CENPS: variants seen among roughly 807,000 people sequenced by gnomAD.
CENPS encodes the protein FANCM associated histone fold protein 1.
In CENPS, 16 loss-of-function variants were observed where a neutral mutation model predicts 17.9. The observed-to-expected ratio is 0.90, with a 90% confidence interval of 0.61 to 1.36. The LOEUF is 1.36. Among genes scored for constraint, CENPS ranks in the 40% most tolerant of loss-of-function variants. CENPS has a pLI of 0.00. For synonymous variants in CENPS, 49 were observed against 55.8 expected, an observed-to-expected ratio of 0.88 and a Z score of 0.54; for missense variants, 160 against 158.6, an observed-to-expected ratio of 1.01 and a Z score of -0.05.
rs376178027 is a variant in CENPS, at chr1:10,440,419, A to G, written c.276+6A>G. The G allele has an allele frequency of 9.3e-6, 15 of 1,613,732 alleles. No individual in the cohort carries two copies. Among genetic ancestry groups the G allele is most frequent in the Non-Finnish European group, 1.2e-5 (14 of 1,179,930 alleles). On this transcript the variant is annotated splice_donor_region_variant and intron_variant, in intron 4 of 4. Transcript: ENST00000309048. Reference sequence around the variant, plus strand: ...CCAGGAGGAGTAATTCACTGGTGAGAGATGAATTTCTTTCCTCACTCCCCT... The same window carrying G: ...CCAGGAGGAGTAATTCACTGGTGAGGGATGAATTTCTTTCCTCACTCCCCT...
At chr1:10,435,429 A>G (rs1480498897) in intron 3 of CENPS, among the ~76,000 whole-genome samples, 1 of 151,886 alleles carries the variant, frequency 6.6e-6, no homozygotes, top group Non-Finnish European at 1.5e-5. Flanking sequence ...CGTGTTTTGA[A>G]TGAATTAAAG....
intron 2 of CENPS, among the ~76,000 whole-genome samples, 169 bp from the exon 3 acceptor site, chr1:10,434,488 G>A (rs984342207): frequency 2.0e-5 from 3 of 152,184 alleles, no homozygotes; most frequent in Non-Finnish European, 4.4e-5. Context: ...AAAGCTACAG[G>A]CTCTTATGGA....
At chr1:10,431,272 G>A in intron 1 of CENPS, 1 of 1,535,164 alleles carries the variant, frequency 6.5e-7, no homozygotes, top group East Asian at 2.4e-5. Context: ...AAAGAGGACG[G>A]ACTGAAGAAA....
intron 2 of CENPS, among the ~76,000 whole-genome samples, chr1:10,434,211 T>A (rs557409047): frequency 6.6e-6 from 1 of 152,380 alleles, no homozygotes; most frequent in Non-Finnish European, 1.5e-5. Context: ...TGTTTTAAAC[T>A]GCCCTGATGG....
intron 1 of CENPS, 69 bp downstream of exon 1, chr1:10,430,637 C>A: frequency 6.7e-7 from 1 of 1,483,542 alleles, no homozygotes; most frequent in South Asian, 1.3e-5. Flanking sequence ...GAAAAGTACC[C>A]GGCAGCCCCC....
chr1:10,434,934 C>T (rs1211776443), intron 3 of CENPS, among the ~76,000 whole-genome samples: 1 of 152,136 alleles, frequency 6.6e-6, no homozygotes, highest in Non-Finnish European at 1.5e-5. Context: ...TATTCAGTCC[C>T]AAGTGAAAAA....
intron 3 of CENPS, among the ~76,000 whole-genome samples, chr1:10,438,793 G>A (rs1454853056): frequency 2.6e-5 from 4 of 152,114 alleles, no homozygotes; most frequent in Admixed American, 6.6e-5. Context: ...ACGCTTTCTC[G>A]TAAACAGATA....
intron 1 of CENPS, among the ~76,000 whole-genome samples, chr1:10,433,498 C>G (rs1054620579): frequency 6.6e-6 from 1 of 152,214 alleles, no homozygotes; most frequent in Non-Finnish European, 1.5e-5. Context: ...CTAGCATATG[C>G]CCTTACTGAG....
intron 1 of CENPS, among the ~76,000 whole-genome samples, chr1:10,432,050 A>G (rs146851003): frequency 4.0e-5 from 6 of 151,714 alleles, no homozygotes; most frequent in Non-Finnish European, 7.4e-5. Flanking sequence ...CATTGCATTT[A>G]GTCATCTTTG....
intron 1 of CENPS, 101 bp downstream of exon 1, chr1:10,430,669 C>G (rs1264985143): frequency 3.5e-6 from 5 of 1,441,976 alleles, no homozygotes; most frequent in Admixed American, 2.8e-5. Flanking sequence ...ATCGGCACCC[C>G]GCCCCCGGGC....
At chr1:10,431,447 G>A (rs1639909608) in intron 1 of CENPS, 27 of 1,531,622 alleles carry the variant, frequency 1.8e-5, no homozygotes, top group East Asian at 2.4e-5. Context: ...CCACTAGTTA[G>A]CATTTTGCTC....
intron 4 of CENPS, among the ~76,000 whole-genome samples, chr1:10,441,386 C>T (rs1282040967): frequency 6.9e-6 from 1 of 144,150 alleles, no homozygotes. Flanking sequence ...CGCATCATTG[C>T]TCACTGCAGT....
At position 10,430,916 on chromosome 1, in the gene CENPS, C is replaced by G. The variant is rs1033344205; in HGVS notation, c.51+348C>G. The G allele has an allele frequency of 2.4e-6, 3 of 1,261,992 alleles. No homozygotes were observed. The Admixed American group carries it at 1.2e-4, about 51-fold the overall frequency. 78.2% of individuals were successfully genotyped at this position (1,261,992 alleles called of 1,614,324 possible). ...GGGTACAACGTCGGCATTAGACATT[C>G]CAGGTGACGCCCGTACGCGGTGGGC... is the stretch of plus-strand genomic sequence containing the variant. On this transcript the variant is annotated intron_variant, in intron 1 of 4. Coordinates refer to ENST00000309048, the MANE Select transcript of CENPS (RefSeq NM_199294.3).
At position 10,442,604 on chromosome 1, in the gene CENPS, G is replaced by A; in HGVS notation, c.*199G>A. The A allele has an allele frequency of 1.1e-6, 1 of 889,750 alleles. No homozygotes were observed. Among genetic ancestry groups the A allele is most frequent in the Non-Finnish European group, 1.5e-6 (1 of 670,724 alleles). 55.1% of individuals were successfully genotyped at this position (889,750 alleles called of 1,614,324 possible). ...GTTTTAGAGAATGAGAAAGTCTTAA[G>A]CAAAATACTCCCAGGTCTCACTCCA... On this transcript the variant is annotated 3_prime_UTR_variant, in exon 5 of 5. Transcript: ENST00000309048.
chr1:10,433,925 G>T lies in CENPS; in HGVS notation c.135G>T (p.Gln45His). The stretch of plus-strand genomic sequence containing the variant: ...ACAAAGAGATGCAGTTCAGCAAACA[G>T]ACCATTGCGGCCATTTCGGAGCTGA... ...ALDKEMQFSK[Q>H]TIAAISELTF... Residue 45 changes from glutamine to histidine, a missense_variant, in exon 2 of 5, where the codon CAG (glutamine) becomes CAT (histidine). Transcript: ENST00000309048. The T allele has an allele frequency of 6.2e-7, 1 of 1,614,216 alleles. No individual in the cohort carries two copies. The highest frequency in any genetic ancestry group is 1.1e-5 in the South Asian group (1 of 91,074).
chr1:10,434,730 A>G (rs1372251562), intron 3 of CENPS, 40 bp downstream of exon 3: 27 of 1,566,466 alleles, frequency 1.7e-5, no homozygotes, highest in Non-Finnish European at 2.1e-5. Context: ...GCGTCTGTGT[A>G]GCTTTTTGGG....
rs538485226 is a variant in CENPS at position 10,430,754 on chromosome 1, C to T, written c.51+186C>T. On this transcript the variant is annotated intron_variant, in intron 1 of 4. Transcript: ENST00000309048. ...GGAGGCGGTTTCCGCGGCAACGCGG[C>T]TGGACCCTGGCCTGCGCTGGCTGGG... The T allele has an allele frequency of 7.2e-4, 1,010 of 1,401,414 alleles. 1 individual carries two copies. The highest frequency in any genetic ancestry group is 8.8e-4 in the Non-Finnish European group (953 of 1,080,604). The allele number at this position is 1,401,414 out of a possible 1,614,324, so 86.8% of individuals were successfully genotyped here.
chr1:10,430,978 G>T, intron 1 of CENPS: 2 of 1,269,200 alleles, frequency 1.6e-6, no homozygotes, highest in Non-Finnish European at 2.0e-6. Context: ...GGCCCTGGAG[G>T]CGTCGACCCC....
At chr1:10,433,415 A>C (rs1188476523) in intron 1 of CENPS, among the ~76,000 whole-genome samples, 1 of 151,902 alleles carries the variant, frequency 6.6e-6, no homozygotes, top group Non-Finnish European at 1.5e-5. Flanking sequence ...GAGGGATGGG[A>C]TCCTTCTGTA....
Sources: allele counts gnomAD v4.1 joint callset (sites outside exome capture counted in the v4.1 genomes callset), GRCh38; gene constraint gnomAD v4.1.1; transcripts MANE v1.5; gene names NCBI Gene and HGNC (gene_info 2026-07-23, HGNC 2026-07-21).